XPR1: variants seen among roughly 807,000 people sequenced by gnomAD.
XPR1 encodes solute carrier family 53 member 1.
XPR1 carries 28 observed loss-of-function variants against 87.5 expected under a neutral mutation model. The ratio of observed to expected loss-of-function variants is 0.32; its 90% CI spans 0.24 to 0.44. The LOEUF (loss-of-function observed/expected upper bound fraction) is 0.44, where lower values mean the gene tolerates loss of function less well. Among genes scored for constraint, XPR1 ranks in the 20% least tolerant of loss-of-function variants. The pLI is 1.00. For missense variants in XPR1, 559 were observed against 862.3 expected (o/e 0.65, Z 4.41); for synonymous variants, 300 against 306.1 (o/e 0.98, Z 0.21).
intron 1 of XPR1, among the ~76,000 whole-genome samples, chr1:180,634,592 A>C (rs1336830591): frequency 1.3e-5 from 2 of 152,198 alleles, no homozygotes; most frequent in Non-Finnish European, 2.9e-5. Context: ...AGTTTCTCAT[A>C]TGAAGATGAT....
intron 2 of XPR1, among the ~76,000 whole-genome samples, chr1:180,727,241 G>T (rs1029239096): frequency 6.6e-6 from 1 of 152,102 alleles, no homozygotes; most frequent in Non-Finnish European, 1.5e-5. Flanking sequence ...TGCCTGAAGC[G>T]GTTATATTGT....
At position 180,852,435 on chromosome 1, in the gene XPR1, C is replaced by T. The variant is rs553708030; in HGVS notation, c.1502-11273C>T. Among the ~76,000 whole-genome samples, 10 of 152,080 alleles carry T rather than the reference C, an allele frequency of 6.6e-5. No homozygotes were observed. In the South Asian group the frequency reaches 8.3e-4, roughly 13 times the overall value. ...TTGCCTTTTTTGCACAGTATTCCCCCGACCCTATCCATACCTTCACTTTCT... is the reference window on the plus strand; with the variant it reads ...TTGCCTTTTTTGCACAGTATTCCCCTGACCCTATCCATACCTTCACTTTCT... On this transcript the variant is annotated intron_variant, in intron 11 of 14. Coordinates refer to ENST00000367590, the MANE Select transcript of XPR1 (RefSeq NM_004736.4).
At chr1:180,684,878 A>G (rs935695102) in intron 2 of XPR1, among the ~76,000 whole-genome samples, 6 of 151,750 alleles carry the variant, frequency 4.0e-5, no homozygotes, top group South Asian at 2.1e-4. Flanking sequence ...TCAGCTTGAG[A>G]TTCTGGGCTG....
intron 2 of XPR1, among the ~76,000 whole-genome samples, chr1:180,756,203 G>A (rs998312492): frequency 2.0e-5 from 3 of 152,158 alleles, no homozygotes; most frequent in African/African-American, 7.2e-5. Context: ...CCTGAATTGA[G>A]GCGCATTTTA....
chr1:180,771,744 C>A (rs1324569357), intron 2 of XPR1, among the ~76,000 whole-genome samples: 4 of 152,254 alleles, frequency 2.6e-5, no homozygotes, highest in Admixed American at 2.6e-4. Context: ...GCCTTTTTGT[C>A]AAGAATACCA....
At chr1:180,671,538 T>C (rs898373449) in intron 1 of XPR1, among the ~76,000 whole-genome samples, 1 of 152,090 alleles carries the variant, frequency 6.6e-6, no homozygotes, top group African/African-American at 2.4e-5. Flanking sequence ...TATATATATT[T>C]TTTTGAGACG....
intron 1 of XPR1, among the ~76,000 whole-genome samples, chr1:180,662,466 A>G (rs573990046): frequency 6.6e-6 from 1 of 152,136 alleles, no homozygotes; most frequent in Admixed American, 6.5e-5. Context: ...TTGGTCTGTA[A>G]GGTTTCCACT....
intron 2 of XPR1, among the ~76,000 whole-genome samples, chr1:180,741,074 A>C (rs1023705780): frequency 1.3e-5 from 2 of 152,184 alleles, no homozygotes; most frequent in Non-Finnish European, 2.9e-5. Flanking sequence ...TCAATCTATA[A>C]TACCTCCTTC....
chr1:180,847,247 C>T (rs868328194), intron 11 of XPR1, among the ~76,000 whole-genome samples: 21 of 152,176 alleles, frequency 1.4e-4, no homozygotes, highest in Non-Finnish European at 7.4e-5. Context: ...TGTTTCCTTT[C>T]TCAACTGAAA....
rs1378621484 is a variant in XPR1 at position 180,704,274 on chromosome 1, A to ATATATATATATATATG, written c.121+21866_121+21867insATATATATATATGTAT. On this transcript the variant is annotated intron_variant, in intron 2 of 14. Transcript: ENST00000367590. ...TATATATATATATATATATATATAT[A>ATATATATATATATATG]TATTATCAGATTATCTGTTTTGTTA... is the stretch of plus-strand genomic sequence containing the variant. Among the ~76,000 whole-genome samples, 23 of 141,680 alleles carry ATATATATATATATATG rather than the reference A, an allele frequency of 1.6e-4. No individual in the cohort carries two copies. In the South Asian group the frequency reaches 5.3e-3, roughly 33 times the overall value. 92.9% of individuals were successfully genotyped at this position (141,680 alleles called of 152,430 possible).
At chr1:180,633,275 C>T (rs1360080274) in intron 1 of XPR1, among the ~76,000 whole-genome samples, 2 of 152,200 alleles carry the variant, frequency 1.3e-5, no homozygotes, top group Non-Finnish European at 2.9e-5. Context: ...ATAGGTTATT[C>T]TCAGTAGCTG....
At chr1:180,762,127 CG>C (rs762952294) in intron 2 of XPR1, among the ~76,000 whole-genome samples, 1 of 79,808 alleles carries the variant, frequency 1.3e-5, no homozygotes, top group East Asian at 3.2e-4. Context: ...GTTGTGGGGT[CG>C]GGGGAGGGGG....
At chr1:180,744,833 A>C (rs1557985771) in intron 2 of XPR1, among the ~76,000 whole-genome samples, 1 of 151,298 alleles carries the variant, frequency 6.6e-6, no homozygotes, top group South Asian at 2.1e-4. Flanking sequence ...TTGTATTTTT[A>C]GTAGAGACGG....
intron 1 of XPR1, among the ~76,000 whole-genome samples, chr1:180,660,750 T>A (rs1655741849): frequency 1.4e-5 from 2 of 144,070 alleles, no homozygotes; most frequent in African/African-American, 5.1e-5. Flanking sequence ...TTTGAAGACT[T>A]ATTTTGTGGC....
intron 2 of XPR1, among the ~76,000 whole-genome samples, chr1:180,758,506 A>G (rs548977850): frequency 2.6e-5 from 4 of 152,212 alleles, no homozygotes; most frequent in African/African-American, 9.6e-5. Flanking sequence ...TCAGGAGTTC[A>G]AGACCAACCT....
rs745435005 is a variant in XPR1, at chr1:180,836,568, T to C, written c.1353T>C (p.Val451=). ...ATACATATGGTGTGCGGGCCATTGT[T>C]CAGTGCATTCCTGCTTGGCTTCGCT... The part of the protein sequence containing the change: ...HKYTYGVRAI[V]QCIPAWLRFI... The change falls in exon 11 of 15, where the codon GTT becomes GTC. Residue 451 remains valine, a synonymous_variant. Coordinates refer to ENST00000367590, the MANE Select transcript of XPR1 (RefSeq NM_004736.4). 1.2e-5 allele frequency: 20 copies of C among 1,614,098 alleles called. No homozygotes were observed. Among genetic ancestry groups the C allele is most frequent in the Non-Finnish European group, 1.5e-5 (18 of 1,180,056 alleles).
chr1:180,886,538 T>C lies in XPR1; in HGVS notation c.*2472T>C, dbSNP rs1393979037. The C allele has an allele frequency of 2.0e-5, 3 of 152,212 alleles. No homozygotes were observed. The highest frequency in any genetic ancestry group is 7.2e-5 in the African/African-American group (3 of 41,442). 9.4% of individuals were successfully genotyped at this position (152,212 alleles called of 1,614,324 possible). On this transcript the variant is annotated 3_prime_UTR_variant, in exon 15 of 15. Transcript: ENST00000367590. ...ATCGGTCTTATTCTTTCACATATGA[T>C]GCAATGATAGATGTAATCCTTTTCT...
intron 2 of XPR1, among the ~76,000 whole-genome samples, chr1:180,722,106 T>A (rs115155652): frequency 0.022 from 3,373 of 151,228 alleles, 53 homozygotes; most frequent in Non-Finnish European, 0.035. Flanking sequence ...CTACAAAAAA[T>A]AGAAAAAAAA....
At chr1:180,663,112 C>T (rs1224830261) in intron 1 of XPR1, among the ~76,000 whole-genome samples, 1 of 152,194 alleles carries the variant, frequency 6.6e-6, no homozygotes, top group Non-Finnish European at 1.5e-5. Context: ...ATCTCCATTT[C>T]TCTGGAATTG....
Sources: gnomAD v4.1 joint callset for allele counts (sites outside exome capture counted in the v4.1 genomes callset) on GRCh38, gnomAD v4.1.1 for gene constraint, MANE v1.5 for transcripts, NCBI Gene and HGNC (gene_info 2026-07-23, HGNC 2026-07-21) for gene names.